The following GRSF1 variants were observed in gnomAD, a reference collection of about 807,000 sequenced individuals.
The protein encoded by GRSF1 is G-rich sequence factor 1.
A neutral mutation model predicts 51.1 loss-of-function variants in GRSF1; 50 were observed. The ratio of observed to expected loss-of-function variants is 0.98; its 90% CI spans 0.78 to 1.24. The LOEUF (loss-of-function observed/expected upper bound fraction) is 1.24, where lower values mean the gene tolerates loss of function less well. GRSF1 is among the 50% of genes most tolerant of loss of function. GRSF1 has a pLI of 0.00. For synonymous variants in GRSF1, 293 were observed against 253.3 expected (o/e 1.16, Z -1.49); for missense variants, 700 against 639.7 (o/e 1.09, Z -1.02).
rs1244466758 is a variant in GRSF1, at chr4:70,818,625, G to A, written c.*2262C>T. Reference sequence around the variant, plus strand: ...AGATGAGACCACAATATTCAGATGAGACCACAATATTCAGCAATCAGCTCC... The same window carrying A: ...AGATGAGACCACAATATTCAGATGAAACCACAATATTCAGCAATCAGCTCC... On this transcript the variant is annotated 3_prime_UTR_variant, in exon 10 of 10. Transcript: ENST00000254799. 1 of 152,142 alleles carries A rather than the reference G, an allele frequency of 6.6e-6. No individual in the cohort carries two copies. The highest frequency in any genetic ancestry group is 1.9e-4 in the East Asian group (1 of 5,190). The allele number at this position is 152,142 out of a possible 1,614,324, so 9.4% of individuals were successfully genotyped here.
chr4:70,823,805 A>C (rs962688518), intron 9 of GRSF1, among the ~76,000 whole-genome samples: 1 of 152,034 alleles, frequency 6.6e-6, no homozygotes, highest in African/African-American at 2.4e-5. Context: ...AGAAGGTTGA[A>C]GCTGCAGTGA....
At chr4:70,825,112 G>A (rs967678158) in intron 8 of GRSF1, among the ~76,000 whole-genome samples, 184 bp downstream of exon 8, 1 of 152,058 alleles carries the variant, frequency 6.6e-6, no homozygotes, top group Admixed American at 6.5e-5. Context: ...GAGATTTGCA[G>A]GATAATTAGC....
At chr4:70,835,084 G>A (rs1734143401) in intron 2 of GRSF1, among the ~76,000 whole-genome samples, 1 of 152,080 alleles carries the variant, frequency 6.6e-6, no homozygotes, top group Non-Finnish European at 1.5e-5. Context: ...TTAGGATAAT[G>A]GTCTCCAGCA....
chr4:70,840,450 A>AT (rs1440074364), upstream of GRSF1, among the ~76,000 whole-genome samples: 2 of 152,138 alleles, frequency 1.3e-5, no homozygotes, highest in East Asian at 3.9e-4. Context: ...ACACGGTGAA[A>AT]TCCCGTCTCT....
upstream of GRSF1, chr4:70,839,955 G>C: frequency 5.3e-6 from 4 of 760,812 alleles, no homozygotes; most frequent in Non-Finnish European, 5.8e-6. Flanking sequence ...TGGGTGGGGG[G>C]CCTCCGAGAG....
At chr4:70,834,498 G>T (rs561931229) in intron 2 of GRSF1, among the ~76,000 whole-genome samples, 1 of 152,212 alleles carries the variant, frequency 6.6e-6, no homozygotes, top group Admixed American at 6.5e-5. Flanking sequence ...TTCAAACCAT[G>T]TAATTTTGTT....
At chr4:70,839,227 C>A (rs1339651376) in intron 1 of GRSF1, 2 of 1,453,188 alleles carry the variant, frequency 1.4e-6, no homozygotes, top group Admixed American at 2.1e-5. Context: ...GCCACACTTA[C>A]ACTGCCCAAC....
intron 5 of GRSF1, 39 bp downstream of exon 5, chr4:70,831,500 G>A (rs1733964525): frequency 6.4e-7 from 1 of 1,571,808 alleles, no homozygotes; most frequent in Non-Finnish European, 8.7e-7. Context: ...ATGACTTAAT[G>A]TGTAACACTT....
In GRSF1 at chr4:70,826,104, G is replaced by A. The variant is rs772116673; in HGVS notation, c.1257+20C>T. On this transcript the variant is annotated intron_variant, in intron 7 of 9. Coordinates refer to ENST00000254799, the MANE Select transcript of GRSF1 (RefSeq NM_002092.4). ...CTTTTGTTCAAATCTATTGAGATTG[G>A]ATATCTTACTGCCACACACGTTTAT... The A allele has an allele frequency of 1.8e-5, 29 of 1,598,460 alleles. No individual in the cohort carries two copies. Among genetic ancestry groups the A allele is most frequent in the Non-Finnish European group, 2.4e-5 (28 of 1,170,396 alleles).
chr4:70,832,110 C>A (rs994359836), intron 4 of GRSF1, among the ~76,000 whole-genome samples, 197 bp downstream of exon 4: 3 of 152,024 alleles, frequency 2.0e-5, no homozygotes, highest in Non-Finnish European at 4.4e-5. Context: ...AATCTGACTT[C>A]CCTCCTAAAA....
At chr4:70,838,218 C>T (rs1477180215) in intron 1 of GRSF1, among the ~76,000 whole-genome samples, 1 of 5,970 alleles carries the variant, frequency 1.7e-4, no homozygotes, top group Non-Finnish European at 4.7e-4. Context: ...GACTCGGTCT[C>T]CAAAAAAAAA....
rs774187379 is a variant in GRSF1, at chr4:70,825,435, A to T, written c.1258-4T>A. 1 of 1,604,600 alleles carries T rather than the reference A, an allele frequency of 6.2e-7. No homozygotes were observed. The highest frequency in any genetic ancestry group is 2.2e-5 in the East Asian group (1 of 44,736). On this transcript the variant is annotated splice_polypyrimidine_tract_variant and splice_region_variant and intron_variant, in intron 7 of 9. Coordinates refer to ENST00000254799, the MANE Select transcript of GRSF1 (RefSeq NM_002092.4). Reference sequence around the variant, plus strand: ...CAGGCTTGAGTGGAGCAAAAAACTAAACGACAAACAAAGGCAGTCAAGAGG... The same window carrying T: ...CAGGCTTGAGTGGAGCAAAAAACTATACGACAAACAAAGGCAGTCAAGAGG...
At chr4:70,832,596 T>C in intron 3 of GRSF1, 146 bp from the exon 4 acceptor site, 1 of 585,810 alleles carries the variant, frequency 1.7e-6, no homozygotes, top group Admixed American at 3.0e-5. Flanking sequence ...AAATAACAAA[T>C]GACATTTATT....
At chr4:70,825,478 C>T in intron 7 of GRSF1, 47 bp from the exon 8 acceptor site, 1 of 1,535,248 alleles carries the variant, frequency 6.5e-7, no homozygotes, top group Non-Finnish European at 8.9e-7. Context: ...TGGATGTAAA[C>T]CTACCTAGAA....
chr4:70,823,841 G>A lies in GRSF1; in HGVS notation c.*25+453C>T, dbSNP rs1236386666. On this transcript the variant is annotated intron_variant, in intron 9 of 9. Transcript: ENST00000254799. ...GCTATGATCGCACCACTGCTAGCCT[G>A]GGCAACAGAGCAAGACCTAGTCCCT... Among the ~76,000 whole-genome samples, 2 of 151,984 alleles carry A rather than the reference G, an allele frequency of 1.3e-5. 1 individual carries two copies. The highest frequency in any genetic ancestry group is 1.3e-4 in the Admixed American group (2 of 15,252).
chr4:70,825,227 A>G (rs1247439120), intron 8 of GRSF1, 69 bp downstream of exon 8: 1 of 1,335,172 alleles, frequency 7.5e-7, no homozygotes, highest in East Asian at 2.3e-5. Flanking sequence ...CAATCCCAAA[A>G]CAGAAAAAGA....
intron 5 of GRSF1, among the ~76,000 whole-genome samples, chr4:70,828,860 CCTGAGTAGCTGG>C (rs1426969332): frequency 6.6e-6 from 1 of 151,834 alleles, no homozygotes; most frequent in African/African-American, 2.4e-5. Context: ...GCCTCAGCCT[CCTGAGTAGCTGG>C]AATTACAGGC....
At position 70,820,137 on chromosome 4, in the gene GRSF1, C is replaced by A. The variant is rs1037199260; in HGVS notation, c.*750G>T. The A allele has an allele frequency of 6.6e-6, 1 of 152,008 alleles. No individual in the cohort carries two copies. Among genetic ancestry groups the A allele is most frequent in the Admixed American group, 6.6e-5 (1 of 15,258 alleles). 9.4% of individuals were successfully genotyped at this position (152,008 alleles called of 1,614,324 possible). A position where few individuals can be genotyped will look rare whatever the true frequency, so the allele number is the denominator to read the frequency against. Reference sequence around the variant, plus strand: ...GACTAACAAACACCCTTAGGTCTACCCCAAACCAAAAAAAGCCAGGGAGGG... The same window carrying A: ...GACTAACAAACACCCTTAGGTCTACACCAAACCAAAAAAAGCCAGGGAGGG... On this transcript the variant is annotated 3_prime_UTR_variant, in exon 10 of 10. Transcript: ENST00000254799.
upstream of GRSF1, among the ~76,000 whole-genome samples, chr4:70,842,896 C>A (rs971024272): frequency 6.6e-6 from 1 of 151,964 alleles, no homozygotes; most frequent in African/African-American, 2.4e-5. Context: ...ATTAGCTGGG[C>A]GTGGTGACAC....
Sources: gnomAD v4.1 joint callset for allele counts (sites outside exome capture counted in the v4.1 genomes callset) on GRCh38, gnomAD v4.1.1 for gene constraint, MANE v1.5 for transcripts, NCBI Gene and HGNC (gene_info 2026-07-23, HGNC 2026-07-21) for gene names.